The following TMEM132C variants were observed in gnomAD, a reference collection of about 807,000 sequenced individuals.
TMEM132C encodes protein phosphatase 1, regulatory subunit 152.
Under a neutral mutation model 61.4 loss-of-function variants are expected in TMEM132C, and 29 were observed. The observed-to-expected ratio is 0.47, with a 90% CI of 0.35 to 0.64. The LOEUF (loss-of-function observed/expected upper bound fraction) is 0.64. TMEM132C is among the 30% of genes least tolerant of loss of function. TMEM132C has a pLI of 0.00. For missense variants in TMEM132C, 1,408 were observed against 1,476.9 expected, an observed-to-expected ratio of 0.95 and a Z score of 0.76; for synonymous variants, 656 against 633.1, an observed-to-expected ratio of 1.04 and a Z score of -0.54.
chr12:128,578,525 T>G (rs564178770), intron 3 of TMEM132C, among the ~76,000 whole-genome samples: 12 of 152,310 alleles, frequency 7.9e-5, no homozygotes, highest in African/African-American at 2.4e-4. Context: ...CAGATGCAAA[T>G]GACTTTCCAA....
chr12:128,587,070 T>A (rs1233218381), intron 3 of TMEM132C, among the ~76,000 whole-genome samples: 1 of 152,228 alleles, frequency 6.6e-6, no homozygotes, highest in African/African-American at 2.4e-5. Flanking sequence ...TGGGGATGCA[T>A]CATGTACAGC....
chr12:128,418,925 A>G (rs1299223905), intron 2 of TMEM132C, among the ~76,000 whole-genome samples: 7 of 152,180 alleles, frequency 4.6e-5, no homozygotes, highest in Non-Finnish European at 1.0e-4. Context: ...TAAGGAATAC[A>G]GAGAACTTCC....
At chr12:128,690,479 A>G (rs1954711626) in intron 5 of TMEM132C, among the ~76,000 whole-genome samples, 1 of 152,138 alleles carries the variant, frequency 6.6e-6, no homozygotes, top group African/African-American at 2.4e-5. Context: ...GCTACTTCAT[A>G]CCCTTGGCAT....
intron 1 of TMEM132C, among the ~76,000 whole-genome samples, chr12:128,306,101 G>A (rs939312988): frequency 7.2e-5 from 11 of 151,998 alleles, no homozygotes; most frequent in Non-Finnish European, 1.5e-4. Context: ...TAGGTATGCA[G>A]ATTTTTCTTC....
At chr12:128,685,597 C>T (rs1369752900) in intron 5 of TMEM132C, among the ~76,000 whole-genome samples, 2 of 137,330 alleles carry the variant, frequency 1.5e-5, no homozygotes, top group Non-Finnish European at 3.3e-5. Context: ...CTGGTCCAAG[C>T]ATGGCTGTCA....
chr12:128,679,861 G>T (rs73430733), intron 5 of TMEM132C, among the ~76,000 whole-genome samples: 9 of 152,256 alleles, frequency 5.9e-5, no homozygotes, highest in African/African-American at 2.2e-4. Context: ...GTAATGGGAC[G>T]AGGAGAGGAT....
At chr12:128,659,187 T>A (rs1002741015) in intron 4 of TMEM132C, among the ~76,000 whole-genome samples, 4 of 152,328 alleles carry the variant, frequency 2.6e-5, no homozygotes, top group South Asian at 2.1e-4. Flanking sequence ...TTCTTTTTTT[T>A]AAAAGCCTTG....
At chr12:128,384,162 G>T (rs1389367206) in intron 1 of TMEM132C, among the ~76,000 whole-genome samples, 1 of 152,230 alleles carries the variant, frequency 6.6e-6, no homozygotes, top group African/African-American at 2.4e-5. Flanking sequence ...CATTAGAGGA[G>T]CTGAAGTCTG....
chr12:128,592,184 C>T (rs1237459827), intron 3 of TMEM132C, among the ~76,000 whole-genome samples: 1 of 152,218 alleles, frequency 6.6e-6, no homozygotes, highest in Non-Finnish European at 1.5e-5. Flanking sequence ...AGGCAGGCTC[C>T]AGGTCATCAT....
chr12:128,336,402 C>T (rs1872792393), intron 1 of TMEM132C, among the ~76,000 whole-genome samples: 1 of 152,132 alleles, frequency 6.6e-6, no homozygotes, highest in African/African-American at 2.4e-5. Flanking sequence ...ACTGTATGCC[C>T]ATTTCCTAAC....
intron 1 of TMEM132C, among the ~76,000 whole-genome samples, chr12:128,333,245 C>T (rs930971453): frequency 3.4e-5 from 5 of 149,142 alleles, no homozygotes; most frequent in African/African-American, 1.2e-4. Flanking sequence ...GTGACTGTGA[C>T]CATATGCGTG....
intron 8 of TMEM132C, among the ~76,000 whole-genome samples, chr12:128,698,722 C>T (rs1425186857): frequency 6.6e-6 from 1 of 152,242 alleles, no homozygotes; most frequent in African/African-American, 2.4e-5. Flanking sequence ...TGACTCAGAA[C>T]ACTCTGCGTC....
At chr12:128,584,653 G>T (rs963518853) in intron 3 of TMEM132C, among the ~76,000 whole-genome samples, 6 of 152,184 alleles carry the variant, frequency 3.9e-5, no homozygotes, top group Non-Finnish European at 5.9e-5. Context: ...CATGATTTTG[G>T]TGAGACCCAG....
intron 5 of TMEM132C, among the ~76,000 whole-genome samples, chr12:128,680,967 C>T (rs986818128): frequency 9.2e-5 from 14 of 152,124 alleles, no homozygotes; most frequent in African/African-American, 2.9e-4. Context: ...TCATGAAGCA[C>T]GGGATACAGT....
chr12:128,546,609 T>C (rs1427045615), intron 3 of TMEM132C, among the ~76,000 whole-genome samples: 1 of 152,132 alleles, frequency 6.6e-6, no homozygotes, highest in Non-Finnish European at 1.5e-5. Context: ...GAGGAAGATC[T>C]GAATCTGCAG....
intron 4 of TMEM132C, among the ~76,000 whole-genome samples, chr12:128,651,870 A>G (rs535952496): frequency 7.3e-6 from 1 of 136,438 alleles, no homozygotes; most frequent in South Asian, 2.1e-4. Flanking sequence ...AGAAGCAGGG[A>G]GGAAACCAAG....
intron 2 of TMEM132C, among the ~76,000 whole-genome samples, chr12:128,449,240 A>C (rs963438457): frequency 1.3e-4 from 20 of 151,778 alleles, no homozygotes; most frequent in African/African-American, 4.1e-4. Flanking sequence ...TTTCTGCTCC[A>C]AGAGTTTGGA....
At chr12:128,539,775 G>GT (rs1468591270) in intron 2 of TMEM132C, among the ~76,000 whole-genome samples, 2 of 152,054 alleles carry the variant, frequency 1.3e-5, no homozygotes, top group South Asian at 2.1e-4. Context: ...CTTTCTGATG[G>GT]TTTTTTTCTC....
At chr12:128,474,258 C>T (rs1238963167) in intron 2 of TMEM132C, among the ~76,000 whole-genome samples, 4 of 152,136 alleles carry the variant, frequency 2.6e-5, no homozygotes, top group African/African-American at 9.7e-5. Flanking sequence ...GCTGCTGGTC[C>T]AGAGAGCACT....
Sources: gnomAD v4.1 joint callset for allele counts (sites outside exome capture counted in the v4.1 genomes callset) on GRCh38, gnomAD v4.1.1 for gene constraint, MANE v1.5 for transcripts, NCBI Gene and HGNC (gene_info 2026-07-23, HGNC 2026-07-21) for gene names.